BACH2: variants seen among roughly 807,000 people sequenced by gnomAD.
BACH2 encodes the protein transcription regulator protein BACH2.
BACH2 carries 5 observed loss-of-function variants against 61.8 expected under a neutral mutation model. The ratio of observed to expected loss-of-function variants is 0.08; its 90% confidence interval spans 0.04 to 0.17. The LOEUF (loss-of-function observed/expected upper bound fraction) is 0.17, where lower values mean the gene tolerates loss of function less well. BACH2 is among the 10% of genes least tolerant of loss of function. The pLI is 1.00. For synonymous variants in BACH2, 446 were observed against 440.1 expected, an observed-to-expected ratio of 1.01 and a Z score of -0.17; for missense variants, 824 against 1,091.1, an observed-to-expected ratio of 0.76 and a Z score of 3.45.
chr6:90,242,821 T>C (rs769742522), intron 3 of BACH2, among the ~76,000 whole-genome samples: 1 of 152,016 alleles, frequency 6.6e-6, no homozygotes, highest in Admixed American at 6.6e-5. Flanking sequence ...TGAAAGATAA[T>C]GTGATCAAAA....
rs951978287 is a variant in BACH2 at position 89,950,581 on chromosome 6, G to A, written c.1525C>T (p.Arg509Cys). ...SCPVPIKVCP[R>C]SPPLETRTRT... ...GTCCTGGTCTCCAAGGGGGGTGAGC[G>A]AGGGCAGACTTTGATTGGTACCGGG... is the stretch of plus-strand genomic sequence containing the variant. Residue 509 changes from arginine (R) to cysteine (C), a missense_variant, in exon 7 of 9, where the codon CGC becomes TGC. Transcript: ENST00000257749. This position sits in a 1 kb window ranked among gnomAD's most constrained non-coding sequence, Gnocchi z 5.3. 1.2e-5 allele frequency: 20 copies of A among 1,611,656 alleles called. No homozygotes were observed. Among genetic ancestry groups the A allele is most frequent in the South Asian group, 5.5e-5 (5 of 90,946 alleles).
chr6:90,182,616 A>T (rs573484649), intron 4 of BACH2, among the ~76,000 whole-genome samples: 310 of 152,352 alleles, frequency 2.0e-3, no homozygotes, highest in African/African-American at 6.9e-3. Flanking sequence ...TATAGCCTTC[A>T]ATTAAATATT....
At chr6:90,169,466 T>C (rs1404840740) in intron 4 of BACH2, among the ~76,000 whole-genome samples, 1 of 152,182 alleles carries the variant, frequency 6.6e-6, no homozygotes, top group Non-Finnish European at 1.5e-5. Flanking sequence ...ATGAAGTCAC[T>C]GGTGTCAGGA....
intron 5 of BACH2, among the ~76,000 whole-genome samples, chr6:90,057,780 T>G (rs1284250032): frequency 6.6e-6 from 1 of 152,184 alleles, no homozygotes; most frequent in Non-Finnish European, 1.5e-5. Flanking sequence ...TCCACCATGA[T>G]CAAGTGGGCT....
intron 6 of BACH2, among the ~76,000 whole-genome samples, chr6:89,954,033 T>C (rs1303087928): frequency 2.7e-5 from 4 of 150,186 alleles, no homozygotes; most frequent in Non-Finnish European, 1.5e-5. Context: ...AGCAAGGAAA[T>C]GTGTATTTAT....
chr6:89,988,668 A>G (rs1582148611), intron 6 of BACH2, among the ~76,000 whole-genome samples: 1 of 152,238 alleles, frequency 6.6e-6, no homozygotes, highest in African/African-American at 2.4e-5. Flanking sequence ...GGTGAAGAAC[A>G]TACTCTAAAA....
chr6:90,224,135 T>C (rs1320635562), intron 3 of BACH2, among the ~76,000 whole-genome samples: 1 of 152,220 alleles, frequency 6.6e-6, no homozygotes, highest in Non-Finnish European at 1.5e-5. Context: ...TCTCATAATA[T>C]GCCTCAAAAC....
chr6:90,006,423 A>C (rs1260704857), intron 6 of BACH2, among the ~76,000 whole-genome samples: 2 of 152,120 alleles, frequency 1.3e-5, no homozygotes, highest in Non-Finnish European at 1.5e-5. Context: ...CCTTCCCGTT[A>C]CTTGGTACCC....
intron 2 of BACH2, among the ~76,000 whole-genome samples, chr6:90,255,062 T>C (rs1446859910): frequency 6.6e-6 from 1 of 152,188 alleles, no homozygotes; most frequent in Non-Finnish European, 1.5e-5. Context: ...GAGATCCCCT[T>C]TTCTAGCCCA....
At chr6:90,206,114 C>G (rs920185726) in intron 4 of BACH2, among the ~76,000 whole-genome samples, 9 of 152,148 alleles carry the variant, frequency 5.9e-5, no homozygotes, top group Admixed American at 3.9e-4. Flanking sequence ...CACTGGTATA[C>G]GCAGTAACTC....
At chr6:90,009,376 C>T (rs746946071) in intron 5 of BACH2, among the ~76,000 whole-genome samples, 6 of 152,194 alleles carry the variant, frequency 3.9e-5, no homozygotes, top group Non-Finnish European at 7.3e-5. Context: ...AATCACAATA[C>T]ATATTTAACA....
At chr6:89,940,899 A>T (rs1773389069) in intron 7 of BACH2, among the ~76,000 whole-genome samples, 1 of 149,432 alleles carries the variant, frequency 6.7e-6, no homozygotes. Context: ...AGCACATTTT[A>T]TCCTTACAGC....
At chr6:90,185,838 G>A (rs1768337753) in intron 4 of BACH2, among the ~76,000 whole-genome samples, 2 of 152,200 alleles carry the variant, frequency 1.3e-5, no homozygotes, top group Admixed American at 1.3e-4. Flanking sequence ...TCTGTGCAAT[G>A]TCTGGCTCAA....
rs569757639 is a variant in BACH2 at position 90,172,592 on chromosome 6, A to G, written c.-162+33977T>C. 3.9e-5 allele frequency among the ~76,000 whole-genome samples: 6 copies of G among 152,260 alleles called. No homozygotes were observed. In the South Asian group the frequency reaches 1.2e-3, roughly 32 times the overall value. ...AAGCTCTGGGGGAAATCTGGGGAAA[A>G]TGTCTTTAAAACACTGAAAGAAAAT... On this transcript the variant is annotated intron_variant, in intron 4 of 8. Coordinates refer to ENST00000257749, the MANE Select transcript of BACH2 (RefSeq NM_021813.4).
intron 3 of BACH2, among the ~76,000 whole-genome samples, chr6:90,241,837 TGG>T: frequency 6.6e-6 from 1 of 151,566 alleles, no homozygotes; most frequent in East Asian, 1.9e-4. Flanking sequence ...AGAAATAAGG[TGG>T]GGAATATTAT....
At chr6:90,011,982 G>GTGTGTGTGTGTGTGT (rs1554227977) in intron 5 of BACH2, among the ~76,000 whole-genome samples, 1 of 146,354 alleles carries the variant, frequency 6.8e-6, no homozygotes, top group Non-Finnish European at 1.5e-5. Context: ...GTGTATGAGT[G>GTGTGTGTGTGTGTGT]ATGAGGTCTC....
chr6:90,195,345 T>C (rs965797889), intron 4 of BACH2, among the ~76,000 whole-genome samples: 3 of 152,166 alleles, frequency 2.0e-5, no homozygotes, highest in Non-Finnish European at 2.9e-5. Flanking sequence ...AAGGCAGTTA[T>C]GAGTAGCCAT....
intron 5 of BACH2, among the ~76,000 whole-genome samples, chr6:90,010,515 G>A (rs1412065600): frequency 6.6e-6 from 1 of 151,972 alleles, no homozygotes; most frequent in African/African-American, 2.4e-5. Context: ...TGGATATTTG[G>A]GTTGTTTCCA....
intron 4 of BACH2, among the ~76,000 whole-genome samples, chr6:90,106,621 G>A (rs944996707): frequency 2.6e-5 from 4 of 152,104 alleles, no homozygotes; most frequent in African/African-American, 7.2e-5. Flanking sequence ...GCATCCTATC[G>A]TTAAGCAATG....
Sources: allele counts gnomAD v4.1 joint callset (sites outside exome capture counted in the v4.1 genomes callset), GRCh38; gene constraint gnomAD v4.1.1; non-coding constraint Gnocchi (gnomAD v3.1); transcripts MANE v1.5; gene names NCBI Gene and HGNC (gene_info 2026-07-23, HGNC 2026-07-21).